Variants in ATG10 observed in about 807,000 individuals in gnomAD.
ATG10 encodes autophagy related 10.
ATG10 carries 30 observed loss-of-function variants against 32.1 expected under a neutral mutation model. The observed-to-expected ratio is 0.94, with a 90% CI of 0.70 to 1.27. The LOEUF (loss-of-function observed/expected upper bound fraction) is 1.27, where lower values mean the gene tolerates loss of function less well. Ranked by LOEUF, ATG10 falls within the 50% of genes most tolerant of loss-of-function variation. The probability of loss-of-function intolerance (pLI) is 0.00; values close to 1 mark genes in which losing one functional copy is unlikely to be tolerated. For missense variants in ATG10, 233 were observed against 262.3 expected (o/e 0.89, Z 0.77); for synonymous variants, 87 against 91.5 (o/e 0.95, Z 0.28).
In ATG10 at chr5:82,160,573, C is replaced by G. The variant is rs1281509437; in HGVS notation, c.217-3826C>G. Among the ~76,000 whole-genome samples the G allele has an allele frequency of 2.6e-5, 4 of 152,124 alleles. No individual in the cohort carries two copies. The East Asian group carries it at 7.7e-4, about 29-fold the overall frequency. On this transcript the variant is annotated intron_variant, in intron 3 of 7. Transcript: ENST00000282185. ...TATGTTTACTTCTATGAGAAACTGT[C>G]ATATGGTTTTCCAGAGAGGCTATAC... is the stretch of plus-strand genomic sequence containing the variant.
intron 2 of ATG10, among the ~76,000 whole-genome samples, chr5:82,014,928 G>A (rs1762238309): frequency 6.6e-6 from 1 of 152,156 alleles, no homozygotes; most frequent in African/African-American, 2.4e-5. Flanking sequence ...AGCCTTGACG[G>A]TCTTTACAAT....
intron 2 of ATG10, among the ~76,000 whole-genome samples, chr5:81,988,428 C>T (rs1761354261): frequency 6.6e-6 from 1 of 152,140 alleles, no homozygotes; most frequent in Admixed American, 6.5e-5. Context: ...CGTGAGCCAC[C>T]ACACCCAGCC....
At chr5:82,043,342 C>T (rs1419044695) in intron 2 of ATG10, among the ~76,000 whole-genome samples, 2 of 152,202 alleles carry the variant, frequency 1.3e-5, no homozygotes, top group Non-Finnish European at 2.9e-5. Flanking sequence ...GGGCCCTGGG[C>T]CTGGCCCACA....
intron 4 of ATG10, among the ~76,000 whole-genome samples, chr5:82,170,947 A>G (rs376552661): frequency 1.3e-5 from 2 of 152,166 alleles, no homozygotes; most frequent in African/African-American, 4.8e-5. Flanking sequence ...GGGAAAAAAA[A>G]AAGAAAACAG....
At chr5:82,146,903 G>A (rs570916758) in intron 3 of ATG10, among the ~76,000 whole-genome samples, 17 of 152,142 alleles carry the variant, frequency 1.1e-4, no homozygotes, top group Middle Eastern at 3.4e-3. Context: ...TAACCTAGAC[G>A]TTGGAAATAT....
At chr5:82,062,265 C>T (rs1422734334) in intron 3 of ATG10, among the ~76,000 whole-genome samples, 5 of 151,984 alleles carry the variant, frequency 3.3e-5, no homozygotes, top group South Asian at 2.1e-4. Flanking sequence ...TGAGTTGTCA[C>T]GGGAATGGAA....
At chr5:82,094,950 A>G (rs1765005654) in intron 3 of ATG10, among the ~76,000 whole-genome samples, 1 of 152,180 alleles carries the variant, frequency 6.6e-6, no homozygotes, top group Non-Finnish European at 1.5e-5. Context: ...ACATGCACAC[A>G]TACATATACA....
chr5:82,127,664 T>G (rs754833486), intron 3 of ATG10, among the ~76,000 whole-genome samples: 9 of 151,992 alleles, frequency 5.9e-5, no homozygotes, highest in East Asian at 1.9e-4. Flanking sequence ...TATGGTTTCT[T>G]TTCTTTTGCA....
chr5:81,987,737 T>C (rs1215046029), intron 2 of ATG10, 59 bp downstream of exon 2: 4 of 1,376,302 alleles, frequency 2.9e-6, no homozygotes, highest in Non-Finnish European at 4.1e-6. Context: ...TTGTTTTGTT[T>C]TGGTTTGTTG....
At chr5:82,203,959 T>C (rs150979696) in intron 5 of ATG10, among the ~76,000 whole-genome samples, 72 of 152,262 alleles carry the variant, frequency 4.7e-4, no homozygotes, top group African/African-American at 1.7e-3. Flanking sequence ...AATAACAGAA[T>C]AGGTAAAAAT....
chr5:82,063,229 G>A (rs1022081904), intron 3 of ATG10, among the ~76,000 whole-genome samples: 8 of 152,052 alleles, frequency 5.3e-5, no homozygotes, highest in Non-Finnish European at 8.8e-5. Context: ...TGGGACAGAC[G>A]GATTGCATAA....
At chr5:82,083,216 C>T (rs1035543151) in intron 3 of ATG10, among the ~76,000 whole-genome samples, 15 of 152,288 alleles carry the variant, frequency 9.8e-5, no homozygotes, top group African/African-American at 2.9e-4. Context: ...CCCACCCCTA[C>T]GGAGCCTCAC....
chr5:82,170,955 CAG>C (rs1743785847), intron 4 of ATG10, among the ~76,000 whole-genome samples: 1 of 152,028 alleles, frequency 6.6e-6, no homozygotes, highest in South Asian at 2.1e-4. Flanking sequence ...AAAAAGAAAA[CAG>C]AGTGTCTTCT....
At chr5:81,982,343 G>A (rs1761071842) in intron 1 of ATG10, among the ~76,000 whole-genome samples, 2 of 152,190 alleles carry the variant, frequency 1.3e-5, no homozygotes, top group Admixed American at 6.5e-5. Context: ...GTGTGTGCCT[G>A]TAGTCCCAGC....
intron 2 of ATG10, among the ~76,000 whole-genome samples, chr5:82,034,090 A>G (rs1762836913): frequency 1.3e-5 from 2 of 150,972 alleles, no homozygotes; most frequent in Non-Finnish European, 2.9e-5. Context: ...TATATATATC[A>G]TATCATGATA....
intron 1 of ATG10, among the ~76,000 whole-genome samples, chr5:81,981,513 T>TA (rs969842195): frequency 2.6e-5 from 4 of 152,134 alleles, no homozygotes; most frequent in African/African-American, 7.2e-5. Context: ...GCATGTTTTT[T>TA]AAAAAAGAGT....
chr5:82,121,551 G>A (rs77477799), intron 3 of ATG10, among the ~76,000 whole-genome samples: 46 of 152,292 alleles, frequency 3.0e-4, no homozygotes, highest in African/African-American at 9.9e-4. Flanking sequence ...TTTTCAAGAG[G>A]AATGATTCCA....
intron 3 of ATG10, among the ~76,000 whole-genome samples, chr5:82,132,253 T>TTA (rs1766569314): frequency 2.0e-5 from 3 of 151,884 alleles, no homozygotes; most frequent in Non-Finnish European, 4.4e-5. Flanking sequence ...TATTATTATT[T>TTA]TTTTTTATTA....
intron 3 of ATG10, among the ~76,000 whole-genome samples, chr5:82,092,134 C>G (rs1006199598): frequency 2.0e-5 from 3 of 151,734 alleles, no homozygotes; most frequent in Admixed American, 6.6e-5. Context: ...TTGGATTGTC[C>G]CATTAAAGTA....
Sources: gnomAD v4.1 joint callset for allele counts (sites outside exome capture counted in the v4.1 genomes callset) on GRCh38, gnomAD v4.1.1 for gene constraint, MANE v1.5 for transcripts, NCBI Gene and HGNC (gene_info 2026-07-23, HGNC 2026-07-21) for gene names.